HAL: variants seen among roughly 807,000 people sequenced by gnomAD.
HAL encodes the protein histidase.
Under a neutral mutation model 81.1 loss-of-function variants are expected in HAL, and 85 were observed. That is an observed-to-expected ratio of 1.05 (90% CI 0.88 to 1.25). HAL has a LOEUF of 1.25. Ranked by LOEUF, HAL falls within the 50% of genes most tolerant of loss-of-function variation. The pLI, the probability that HAL is intolerant of heterozygous loss-of-function variation, is 0.00. For missense variants in HAL, 798 were observed against 836.6 expected, an observed-to-expected ratio of 0.95 and a Z score of 0.57; for synonymous variants, 301 against 309.2, an observed-to-expected ratio of 0.97 and a Z score of 0.28.
At position 95,994,998 on chromosome 12, in the gene HAL, A is replaced by G. The variant is rs372942789; in HGVS notation, c.248-5T>C. ...ACATGGCATCACCCTCTATAACTAA[A>G]ACAATGCACGGGAGACTCGTTACAG... On this transcript the variant is annotated splice_polypyrimidine_tract_variant and splice_region_variant and intron_variant, in intron 2 of 20. Coordinates refer to ENST00000261208, the MANE Select transcript of HAL (RefSeq NM_002108.4). The G allele has an allele frequency of 9.2e-5, 147 of 1,603,338 alleles. No individual in the cohort carries two copies. The highest frequency in any genetic ancestry group is 1.2e-4 in the Non-Finnish European group (145 of 1,170,448).
intron 17 of HAL, 69 bp downstream of exon 17, chr12:95,980,487 C>T: frequency 6.9e-7 from 1 of 1,450,518 alleles, no homozygotes; most frequent in Non-Finnish European, 9.7e-7. Context: ...ACATTTGATA[C>T]TTCTAGGTGA....
chr12:95,978,687 G>A (rs1392582114), intron 17 of HAL, among the ~76,000 whole-genome samples: 6 of 152,266 alleles, frequency 3.9e-5, no homozygotes, highest in Middle Eastern at 6.8e-3. Context: ...TGGGTGGGGC[G>A]TGAAATTCTG....
chr12:95,994,223 A>C, intron 4 of HAL, 59 bp from the exon 5 acceptor site: 1 of 1,119,206 alleles, frequency 8.9e-7, no homozygotes, highest in Non-Finnish European at 1.4e-6. Flanking sequence ...TAACCAGAGT[A>C]GGGACACCTC....
intron 12 of HAL, 130 bp downstream of exon 12, chr12:95,986,937 G>A (rs145454533): frequency 4.7e-5 from 37 of 786,874 alleles, no homozygotes; most frequent in Middle Eastern, 3.5e-4. Flanking sequence ...CACTGGGTAC[G>A]CCACAGGCAC....
At chr12:95,979,115 G>C (rs982365438) in intron 17 of HAL, among the ~76,000 whole-genome samples, 8 of 152,160 alleles carry the variant, frequency 5.3e-5, no homozygotes, top group South Asian at 4.1e-4. Flanking sequence ...TACAATGAAA[G>C]CAAGCCAAAC....
chr12:95,994,852 G>A (rs778592159), intron 3 of HAL, 27 bp from the exon 4 acceptor site: 2 of 1,613,414 alleles, frequency 1.2e-6, no homozygotes, highest in African/African-American at 1.3e-5. Flanking sequence ...GAACATATAG[G>A]GTGGTGTGGA....
At chr12:95,990,258 T>A in intron 10 of HAL, 135 bp downstream of exon 10, 1 of 786,680 alleles carries the variant, frequency 1.3e-6, no homozygotes, top group Non-Finnish European at 2.3e-6. Flanking sequence ...GCTTTCGCTG[T>A]CTCATCTGTA....
intron 15 of HAL, 149 bp downstream of exon 15, chr12:95,983,762 G>T (rs1186796600): frequency 3.0e-6 from 2 of 670,952 alleles, no homozygotes; most frequent in Non-Finnish European, 5.4e-6. Flanking sequence ...GAGAAAGTCA[G>T]TTAACCTCTG....
chr12:95,976,571 A>G, intron 19 of HAL, 27 bp downstream of exon 19: 4 of 1,591,708 alleles, frequency 2.5e-6, no homozygotes, highest in Non-Finnish European at 3.4e-6. Flanking sequence ...GAACTGATGT[A>G]ATTTTCAGAG....
intron 8 of HAL, 78 bp downstream of exon 8, chr12:95,993,373 A>C (rs1021078512): frequency 3.2e-6 from 3 of 932,982 alleles, no homozygotes; most frequent in Non-Finnish European, 5.4e-6. Flanking sequence ...TGTGACTATA[A>C]CTGGATAACT....
chr12:95,975,167 G>A (rs1005523547), intron 20 of HAL, among the ~76,000 whole-genome samples: 4 of 152,208 alleles, frequency 2.6e-5, no homozygotes, highest in African/African-American at 9.7e-5. Context: ...CGTGGCCTGT[G>A]CCCCTGCAGT....
At chr12:95,993,552 G>C in intron 7 of HAL, 64 bp from the exon 8 acceptor site, 1 of 1,081,976 alleles carries the variant, frequency 9.2e-7, no homozygotes, top group South Asian at 1.2e-5. Flanking sequence ...CCTCAGCTGG[G>C]AAAATGAAGG....
Position 95,994,849 on chromosome 12 carries a change from T to C in HAL, c.309-24A>G, listed in dbSNP as rs554327839. 19 of 1,613,672 alleles carry C rather than the reference T, an allele frequency of 1.2e-5. No homozygotes were observed. The Admixed American group carries it at 1.7e-4, about 14-fold the overall frequency. The stretch of plus-strand genomic sequence containing the variant: ...ATCTGTATCCAGGTAAAGGAACATA[T>C]AGGGTGGTGTGGAAAAACCCCCAGC... On this transcript the variant is annotated intron_variant, in intron 3 of 20. Transcript: ENST00000261208.
At chr12:95,989,223 C>G (rs1177739456) in intron 10 of HAL, among the ~76,000 whole-genome samples, 2 of 152,178 alleles carry the variant, frequency 1.3e-5, no homozygotes, top group Non-Finnish European at 2.9e-5. Flanking sequence ...TCTCTGTAAC[C>G]CAGGCTAGAG....
intron 14 of HAL, among the ~76,000 whole-genome samples, chr12:95,984,607 C>G (rs1949854823): frequency 6.6e-6 from 1 of 152,242 alleles, no homozygotes; most frequent in Admixed American, 6.5e-5. Flanking sequence ...AAGTAATTAT[C>G]TGTCTGTGTG....
At chr12:95,988,516 C>T (rs1041098027) in intron 10 of HAL, among the ~76,000 whole-genome samples, 3 of 152,156 alleles carry the variant, frequency 2.0e-5, no homozygotes, top group South Asian at 2.1e-4. Context: ...CTACGTCCTT[C>T]GTGTTCAGTT....
chr12:95,992,882 C>CCTCCCTCA, intron 8 of HAL, 77 bp from the exon 9 acceptor site: 2 of 1,350,594 alleles, frequency 1.5e-6, no homozygotes, highest in Non-Finnish European at 2.1e-6. Context: ...TCCCTCCCTC[C>CCTCCCTCA]AATCTTTCCC....
rs747343664 is a variant in HAL at position 95,987,212 on chromosome 12, G to A, written c.906C>T (p.Gly302=). ...TCTGCGTCCCATTGATGAGTGCCAG[G>A]CCCTGTCGGGGGAGAGAGCAAAGTT... ...LKPVILKPKE[G]LALINGTQMI... is the part of the protein sequence containing the mutation. Residue 302 remains glycine, a splice_region_variant and synonymous_variant, in exon 12 of 21, where the codon GGC becomes GGT. Transcript: ENST00000261208. 6 of 1,613,400 alleles carry A rather than the reference G, an allele frequency of 3.7e-6. No homozygotes were observed. In the African/African-American group the frequency reaches 4.0e-5, roughly 11 times the overall value.
chr12:95,988,382 C>T (rs1015477021), intron 10 of HAL, 142 bp from the exon 11 acceptor site: 2 of 683,696 alleles, frequency 2.9e-6, no homozygotes, highest in Admixed American at 4.6e-5. Context: ...TGGCTGTATT[C>T]ATGTTCTCTG....
Sources: gnomAD v4.1 joint callset for allele counts (sites outside exome capture counted in the v4.1 genomes callset) on GRCh38, gnomAD v4.1.1 for gene constraint, MANE v1.5 for transcripts, NCBI Gene and HGNC (gene_info 2026-07-23, HGNC 2026-07-21) for gene names.